The following YKT6 variants were observed in gnomAD, a reference collection of about 807,000 sequenced individuals.
YKT6 encodes YKT6 vesicular SNARE protein, also known as synaptobrevin homolog YKT6.
YKT6 carries 12 observed loss-of-function variants against 29.3 expected under a neutral mutation model. The observed-to-expected ratio is 0.41, with a 90% CI of 0.26 to 0.66. The LOEUF (loss-of-function observed/expected upper bound fraction) is 0.66. YKT6 is among the 30% of genes least tolerant of loss of function. The pLI is 0.32. For synonymous variants in YKT6, 86 were observed against 94.3 expected, an observed-to-expected ratio of 0.91 and a Z score of 0.51; for missense variants, 188 against 243.8, an observed-to-expected ratio of 0.77 and a Z score of 1.52.
chr7:44,202,132 A>G (rs1433295015), intron 1 of YKT6, among the ~76,000 whole-genome samples: 1 of 152,158 alleles, frequency 6.6e-6, no homozygotes, highest in East Asian at 1.9e-4. Flanking sequence ...ATCTGATGGA[A>G]TCTGCCGTTT....
chr7:44,206,925 A>C (rs1371323732), intron 3 of YKT6, among the ~76,000 whole-genome samples: 1 of 152,180 alleles, frequency 6.6e-6, no homozygotes, highest in Non-Finnish European at 1.5e-5. Context: ...GTACGGTGCT[A>C]ATTACTAATA....
At chr7:44,203,526 T>A (rs1453820625) in intron 1 of YKT6, among the ~76,000 whole-genome samples, 1 of 152,232 alleles carries the variant, frequency 6.6e-6, no homozygotes, top group East Asian at 1.9e-4. Context: ...CAGTTCTTCC[T>A]TTGTCTCTTT....
chr7:44,204,423 A>G, intron 1 of YKT6, 145 bp from the exon 2 acceptor site: 1 of 649,114 alleles, frequency 1.5e-6, no homozygotes, highest in Non-Finnish European at 2.7e-6. Context: ...GCTCATTTAT[A>G]GAGTGTTTGT....
intron 5 of YKT6, chr7:44,210,575 G>A (rs1279921448): frequency 1.9e-5 from 5 of 257,986 alleles, no homozygotes; most frequent in Admixed American, 5.1e-5. Context: ...TCTGGGATGC[G>A]GTTGGGGTTG....
At chr7:44,212,167 C>T (rs1211945435) in intron 6 of YKT6, 80 bp from the exon 7 acceptor site, 3 of 1,577,606 alleles carry the variant, frequency 1.9e-6, no homozygotes, top group African/African-American at 1.3e-5. Flanking sequence ...TGTGGAGCTC[C>T]CTCTGCCACG....
At chr7:44,203,025 C>T (rs1263640176) in intron 1 of YKT6, among the ~76,000 whole-genome samples, 1 of 152,200 alleles carries the variant, frequency 6.6e-6, no homozygotes, top group Non-Finnish European at 1.5e-5. Context: ...CAATGACTAA[C>T]AGCTGCAACA....
In YKT6 at chr7:44,213,285, GTC is replaced by G. The variant is rs1251911265; in HGVS notation, c.*1008_*1009del. The G allele has an allele frequency of 6.6e-6, 1 of 152,268 alleles. No individual in the cohort carries two copies. Among genetic ancestry groups the G allele is most frequent in the African/African-American group, 2.4e-5 (1 of 41,454 alleles). 9.4% of individuals were successfully genotyped at this position (152,268 alleles called of 1,614,324 possible). On this transcript the variant is annotated 3_prime_UTR_variant, in exon 7 of 7. Coordinates refer to ENST00000223369, the MANE Select transcript of YKT6 (RefSeq NM_006555.4). ...GAGGCCTATGCATCTGAACAAGTGGGTCTCTCCCTTGAGCACCAGGAGTGGGT... is the reference window on the plus strand; with the variant it reads ...GAGGCCTATGCATCTGAACAAGTGGGTCTCCCTTGAGCACCAGGAGTGGGT...
intron 1 of YKT6, among the ~76,000 whole-genome samples, chr7:44,202,298 AC>A (rs2096336610): frequency 6.6e-6 from 1 of 152,206 alleles, no homozygotes; most frequent in Non-Finnish European, 1.5e-5. Flanking sequence ...GTAAAATGGT[AC>A]ACAAAATTTA....
intron 3 of YKT6, among the ~76,000 whole-genome samples, chr7:44,206,896 A>C (rs559562074): frequency 6.6e-6 from 1 of 152,288 alleles, no homozygotes; most frequent in South Asian, 2.1e-4. Flanking sequence ...GCACCTAAGC[A>C]TTCTTTAAAT....
Position 44,204,604 on chromosome 7 carries a change from T to A in YKT6, c.141T>A (p.Ile47=), listed in dbSNP as rs754467340. ...TCATGACCTTCACGAGTCAACTGAT[T>A]GTGGAGCGCTCATCGAAAGGCACTA... ...QEFMTFTSQL[I]VERSSKGTRA... is the part of the protein sequence containing the mutation. Residue 47 remains isoleucine (I), a synonymous_variant, in exon 2 of 7, where the codon ATT becomes ATA. Coordinates refer to ENST00000223369, the MANE Select transcript of YKT6 (RefSeq NM_006555.4). 1.2e-6 allele frequency: 2 copies of A among 1,614,224 alleles called. No homozygotes were observed. Among genetic ancestry groups the A allele is most frequent in the Non-Finnish European group, 1.7e-6 (2 of 1,180,040 alleles).
Position 44,212,382 on chromosome 7 carries a change from TG to T in YKT6, c.*105del. The T allele has an allele frequency of 6.7e-7, 1 of 1,494,898 alleles. No individual in the cohort carries two copies. The allele number at this position is 1,494,898 out of a possible 1,614,324, so 92.6% of individuals were successfully genotyped here. A position where few individuals can be genotyped will look rare whatever the true frequency, so the allele number is the denominator to read the frequency against. ...GACAGCCATAGACGAGGAGCCAGAG[TG>T]GGGGCAGACTGGCCATTTTTATTTT... On this transcript the variant is annotated 3_prime_UTR_variant, in exon 7 of 7. Transcript: ENST00000223369.
In YKT6 at chr7:44,200,993, A is replaced by T. The variant is rs2096334578; in HGVS notation, c.-143A>T. ...ATCCGGAAGTGGATTGCGAGCCAGGAGGAGGAAGCCGGCGGTGGCCCCGTC... is the reference window on the plus strand; with the variant it reads ...ATCCGGAAGTGGATTGCGAGCCAGGTGGAGGAAGCCGGCGGTGGCCCCGTC... On this transcript the variant is annotated 5_prime_UTR_variant, in exon 1 of 7. Transcript: ENST00000223369. 1.0e-5 allele frequency: 6 copies of T among 599,060 alleles called. No individual in the cohort carries two copies. The South Asian group carries it at 1.3e-4, about 13-fold the overall frequency. The allele number at this position is 599,060 out of a possible 1,614,324, so 37.1% of individuals were successfully genotyped here.
At chr7:44,204,228 G>C (rs2096338627) in intron 1 of YKT6, among the ~76,000 whole-genome samples, 1 of 152,176 alleles carries the variant, frequency 6.6e-6, no homozygotes. Flanking sequence ...GGAAGTTATT[G>C]GGACCTTGAG....
intron 5 of YKT6, 166 bp from the exon 6 acceptor site, chr7:44,210,857 C>G: frequency 1.4e-6 from 1 of 693,168 alleles, no homozygotes. Context: ...GTTCCATCCA[C>G]TTGGACAGTA....
chr7:44,208,132 G>A lies in YKT6; in HGVS notation c.394-1G>A. On this transcript the variant is annotated splice_acceptor_variant, in intron 4 of 6. Coordinates refer to ENST00000223369, the MANE Select transcript of YKT6 (RefSeq NM_006555.4). LOFTEE classifies it high-confidence loss of function. ...CTTTATTATTTTTCACTCTTTCCTA[G>A]AACCCACGAGAAGCTGATCCCATGA... 1 of 1,613,972 alleles carries A rather than the reference G, an allele frequency of 6.2e-7. No individual in the cohort carries two copies. Among genetic ancestry groups the A allele is most frequent in the Non-Finnish European group, 8.5e-7 (1 of 1,179,942 alleles).
Position 44,212,364 on chromosome 7 carries a change from A to G in YKT6, c.*82A>G, listed in dbSNP as rs924655039. The G allele has an allele frequency of 1.0e-5, 16 of 1,564,672 alleles. No individual in the cohort carries two copies. Among genetic ancestry groups the G allele is most frequent in the Admixed American group, 1.7e-5 (1 of 58,226 alleles). ...AGCCCCTGGAAAAGAAGAGACAGCC[A>G]TAGACGAGGAGCCAGAGTGGGGGCA... On this transcript the variant is annotated 3_prime_UTR_variant, in exon 7 of 7. Transcript: ENST00000223369.
chr7:44,207,004 T>C (rs1035783656), intron 3 of YKT6, among the ~76,000 whole-genome samples: 7 of 152,206 alleles, frequency 4.6e-5, no homozygotes, highest in Non-Finnish European at 5.9e-5. Flanking sequence ...ACACATGGAA[T>C]CTGGTGGTTT....
chr7:44,207,644 G>C, intron 4 of YKT6, 152 bp downstream of exon 4: 1 of 691,748 alleles, frequency 1.4e-6, no homozygotes, highest in East Asian at 2.8e-5. Flanking sequence ...GGAAAACAGA[G>C]AATCTACGTT....
rs1415655888 is a variant in YKT6, at chr7:44,206,467, C to G, written c.270C>G (p.Ala90=). The change falls in exon 3 of 7, where the codon GCC becomes GCG. Residue 90 remains alanine, a synonymous_variant. Transcript: ENST00000223369. ...IADNEYPSRV[A]FTLLEKVLDE... Reference sequence around the variant, plus strand: ...ACAATGAATACCCATCCCGGGTGGCCTTTACCTTGCTGGAGAAGGTGAGTT... The same window carrying G: ...ACAATGAATACCCATCCCGGGTGGCGTTTACCTTGCTGGAGAAGGTGAGTT... 6.2e-7 allele frequency: 1 copy of G among 1,613,992 alleles called. No homozygotes were observed. Among genetic ancestry groups the G allele is most frequent in the African/African-American group, 1.3e-5 (1 of 75,032 alleles).
Sources: gnomAD v4.1 joint callset for allele counts (sites outside exome capture counted in the v4.1 genomes callset) on GRCh38, gnomAD v4.1.1 for gene constraint, MANE v1.5 for transcripts, NCBI Gene and HGNC (gene_info 2026-07-23, HGNC 2026-07-21) for gene names.